The following CNNM2 variants were observed in gnomAD, a reference collection of about 807,000 sequenced individuals.
The protein encoded by CNNM2 is cyclin and CBS domain divalent metal cation transport mediator 2, also known as metal transporter CNNM2.
Under a neutral mutation model 66.9 loss-of-function variants are expected in CNNM2, and 12 were observed. The observed-to-expected ratio is 0.18, with a 90% CI of 0.11 to 0.29. The LOEUF is 0.29. Ranked by LOEUF, CNNM2 falls within the 10% of genes least tolerant of loss-of-function variation. The pLI, the probability that CNNM2 is intolerant of heterozygous loss-of-function variation, is 1.00. For synonymous variants in CNNM2, 557 were observed against 501.8 expected (o/e 1.11, Z -1.47); for missense variants, 705 against 1,167.7 (o/e 0.60, Z 5.77).
chr10:103,029,933 T>C (rs2064792041), intron 1 of CNNM2, among the ~76,000 whole-genome samples: 2 of 151,616 alleles, frequency 1.3e-5, no homozygotes, highest in East Asian at 1.9e-4. Context: ...AGTGCCCTAA[T>C]GGAGCCAATG....
At chr10:103,038,604 G>A (rs2064984475) in intron 1 of CNNM2, among the ~76,000 whole-genome samples, 1 of 152,128 alleles carries the variant, frequency 6.6e-6, no homozygotes, top group Non-Finnish European at 1.5e-5. Context: ...ACCAAAAAAT[G>A]TTAGATTTTT....
intron 1 of CNNM2, among the ~76,000 whole-genome samples, chr10:102,966,771 A>G (rs1358952242): frequency 6.6e-6 from 1 of 152,194 alleles, no homozygotes; most frequent in Non-Finnish European, 1.5e-5. Flanking sequence ...AGGAATTGTC[A>G]TGGAATTAGG....
Position 103,013,069 on chromosome 10 carries a change from G to A in CNNM2, c.1622-36638G>A, listed in dbSNP as rs1273514158. ...AGGTAACATAGCAAAATAAGCTACA[G>A]TGTGGATCTTGGAATCAGACAGACT... On this transcript the variant is annotated intron_variant, in intron 1 of 7. Coordinates refer to ENST00000369878, the MANE Select transcript of CNNM2 (RefSeq NM_017649.5). 7.9e-5 allele frequency among the ~76,000 whole-genome samples: 12 copies of A among 152,156 alleles called. No individual in the cohort carries two copies. The East Asian group carries it at 2.1e-3, about 27-fold the overall frequency.
chr10:103,034,969 T>G (rs2064904677), intron 1 of CNNM2, among the ~76,000 whole-genome samples: 1 of 55,416 alleles, frequency 1.8e-5, no homozygotes, highest in African/African-American at 6.0e-5. Context: ...CGAGACTCCG[T>G]CTCAAAAAAA....
chr10:102,987,061 A>G (rs1590352877), intron 1 of CNNM2, among the ~76,000 whole-genome samples: 1 of 152,304 alleles, frequency 6.6e-6, no homozygotes, highest in African/African-American at 2.4e-5. Context: ...AAAACCTAAT[A>G]TGAAAGCTCA....
intron 1 of CNNM2, 116 bp downstream of exon 1, chr10:102,920,217 T>TCTC: frequency 1.9e-6 from 3 of 1,602,520 alleles, no homozygotes; most frequent in Non-Finnish European, 1.7e-6. Context: ...GATTTCTCCT[T>TCTC]CTCCCTCTTA....
At chr10:102,948,747 G>C (rs1484346070) in intron 1 of CNNM2, among the ~76,000 whole-genome samples, 2 of 152,170 alleles carry the variant, frequency 1.3e-5, no homozygotes, top group African/African-American at 4.8e-5. Context: ...TGGAGAGACA[G>C]AGACTGGCAT....
chr10:102,961,496 T>C (rs1427615285), intron 1 of CNNM2, among the ~76,000 whole-genome samples: 3 of 152,180 alleles, frequency 2.0e-5, no homozygotes, highest in Non-Finnish European at 2.9e-5. Context: ...CTTATAGAAA[T>C]AAATATTTAC....
At chr10:103,034,203 T>C (rs951406751) in intron 1 of CNNM2, among the ~76,000 whole-genome samples, 12 of 152,024 alleles carry the variant, frequency 7.9e-5, no homozygotes, top group Admixed American at 6.5e-4. Flanking sequence ...TACTATTAAA[T>C]GTATAATAAT....
intron 1 of CNNM2, among the ~76,000 whole-genome samples, chr10:103,014,047 TA>T (rs1440035860): frequency 6.6e-6 from 1 of 152,234 alleles, no homozygotes; most frequent in Non-Finnish European, 1.5e-5. Flanking sequence ...TCTGACTGTA[TA>T]AAATCTTGTT....
intron 1 of CNNM2, among the ~76,000 whole-genome samples, chr10:103,003,825 G>A (rs1269172161): frequency 6.6e-6 from 1 of 151,592 alleles, no homozygotes; most frequent in East Asian, 1.9e-4. Context: ...GGTAACCACT[G>A]TCCTGACATT....
intron 1 of CNNM2, among the ~76,000 whole-genome samples, chr10:102,928,068 T>C (rs1249864028): frequency 1.3e-5 from 2 of 152,256 alleles, no homozygotes; most frequent in Non-Finnish European, 2.9e-5. Context: ...ACTTATCCTC[T>C]TTAACCCTAA....
At chr10:102,956,982 GTAA>G (rs890599965) in intron 1 of CNNM2, among the ~76,000 whole-genome samples, 14 of 152,076 alleles carry the variant, frequency 9.2e-5, no homozygotes, top group Admixed American at 2.6e-4. Flanking sequence ...TAAAAGTATA[GTAA>G]TAATAATAAT....
intron 1 of CNNM2, among the ~76,000 whole-genome samples, chr10:103,030,084 T>C (rs372922786): frequency 6.2e-4 from 95 of 152,244 alleles, no homozygotes; most frequent in African/African-American, 2.0e-3. Flanking sequence ...CCAGTGTTTA[T>C]GGCAAAGAGA....
intron 6 of CNNM2, among the ~76,000 whole-genome samples, chr10:103,073,882 A>AG (rs954076551): frequency 6.6e-6 from 1 of 151,488 alleles, no homozygotes; most frequent in African/African-American, 2.4e-5. Flanking sequence ...AAAAAAAAAA[A>AG]AAAAAAAAAA....
rs943772253 is a variant in CNNM2, at chr10:103,081,023, G to T, written c.*3843G>T. 1 of 152,160 alleles carries T rather than the reference G, an allele frequency of 6.6e-6. No individual in the cohort carries two copies. 9.4% of individuals were successfully genotyped at this position (152,160 alleles called of 1,614,324 possible). A position where few individuals can be genotyped will look rare whatever the true frequency, so the allele number is the denominator to read the frequency against. On this transcript the variant is annotated 3_prime_UTR_variant, in exon 8 of 8. Transcript: ENST00000369878. ...TGAGGTCTCCTGGGCAACCAGAGTTGCCCCTGTGGTTCCCCAGGGGTGATC... is the reference window on the plus strand; with the variant it reads ...TGAGGTCTCCTGGGCAACCAGAGTTTCCCCTGTGGTTCCCCAGGGGTGATC...
chr10:102,923,269 A>G (rs536131485), intron 1 of CNNM2, among the ~76,000 whole-genome samples: 13 of 152,296 alleles, frequency 8.5e-5, no homozygotes, highest in African/African-American at 2.9e-4. Context: ...CAGTTTGATC[A>G]TGATGATGGT....
At chr10:103,030,472 T>C (rs755691558) in intron 1 of CNNM2, among the ~76,000 whole-genome samples, 7 of 152,160 alleles carry the variant, frequency 4.6e-5, no homozygotes, top group Non-Finnish European at 8.8e-5. Flanking sequence ...CTCAGCACTT[T>C]GGGAGGCCGA....
chr10:102,944,384 C>T (rs574700044), intron 1 of CNNM2, among the ~76,000 whole-genome samples: 12 of 152,170 alleles, frequency 7.9e-5, no homozygotes, highest in African/African-American at 1.2e-4. Context: ...GGCCTGCTTT[C>T]GTAACTCTTA....
Sources: allele counts gnomAD v4.1 joint callset (sites outside exome capture counted in the v4.1 genomes callset), GRCh38; gene constraint gnomAD v4.1.1; transcripts MANE v1.5; gene names NCBI Gene and HGNC (gene_info 2026-07-23, HGNC 2026-07-21).